Variants in MTG1 observed in about 807,000 individuals in gnomAD.
The protein encoded by MTG1 is mitochondrial ribosome associated GTPase 1, also known as mitochondrial ribosome-associated GTPase 1.
A neutral mutation model predicts 39.5 loss-of-function variants in MTG1; 30 were observed. The observed-to-expected ratio is 0.76, with a 90% CI of 0.57 to 1.03. The LOEUF (loss-of-function observed/expected upper bound fraction) is 1.03. Among genes scored for constraint, MTG1 ranks in the 50% least tolerant of loss-of-function variants. The pLI, the probability that MTG1 is intolerant of heterozygous loss-of-function variation, is 0.00. For missense variants in MTG1, 513 were observed against 447.4 expected (o/e 1.15, Z -1.32); for synonymous variants, 217 against 179.0 (o/e 1.21, Z -1.69).
intron 1 of MTG1, 25 bp from the exon 2 acceptor site, chr10:133,395,688 G>T (rs1426301777): frequency 1.2e-6 from 2 of 1,612,810 alleles, no homozygotes; most frequent in African/African-American, 1.3e-5. Flanking sequence ...GAGCCCCTTC[G>T]CTGAGGCGTC....
In MTG1 at chr10:133,402,800, G is replaced by T; in HGVS notation, c.752+27G>T. 2 of 1,533,614 alleles carry T rather than the reference G, an allele frequency of 1.3e-6. No individual in the cohort carries two copies. The highest frequency in any genetic ancestry group is 1.8e-6 in the Non-Finnish European group (2 of 1,132,856). On this transcript the variant is annotated intron_variant, in intron 9 of 10. Transcript: ENST00000317502. The surrounding 1 kb of genome is among the most constrained non-coding windows in gnomAD (Gnocchi z 4.7). ...TGAGTGCAGTGAATGCAGGGCAGCT[G>T]GGGCCCCTCCTCCTAGTCACCTCAT...
chr10:133,395,837 T>G, intron 2 of MTG1, 60 bp downstream of exon 2: 2 of 1,543,362 alleles, frequency 1.3e-6, no homozygotes, highest in Non-Finnish European at 1.8e-6. Context: ...ACATTAGAAT[T>G]ACCTGGGGAG....
intron 7 of MTG1, 197 bp from the exon 8 acceptor site, chr10:133,401,948 TTTTA>T: frequency 1.7e-6 from 1 of 595,656 alleles, no homozygotes; most frequent in Non-Finnish European, 2.9e-6. Context: ...GACCTGACGC[TTTTA>T]TTTATTCTCC....
At position 133,402,281 on chromosome 10, in the gene MTG1, C is replaced by A. The variant is rs1446894259; in HGVS notation, c.670+36C>A. On this transcript the variant is annotated intron_variant, in intron 8 of 10. Transcript: ENST00000317502. The surrounding 1 kb of genome is among the most constrained non-coding windows in gnomAD (Gnocchi z 4.7). ...GCTGGGGCTGGGGCTGGGGCTGGGACCGGGGCCCCTGCCACCCCACCTTTA... is the reference window on the plus strand; with the variant it reads ...GCTGGGGCTGGGGCTGGGGCTGGGAACGGGGCCCCTGCCACCCCACCTTTA... 1.2e-6 allele frequency: 2 copies of A among 1,611,254 alleles called. No homozygotes were observed. Among genetic ancestry groups the A allele is most frequent in the Non-Finnish European group, 1.7e-6 (2 of 1,179,078 alleles).
At chr10:133,405,071 C>T (rs1048902209) in intron 9 of MTG1, among the ~76,000 whole-genome samples, 1 of 152,114 alleles carries the variant, frequency 6.6e-6, no homozygotes, top group African/African-American at 2.4e-5. Context: ...TTTCTTGAGG[C>T]CGGGTGGCAG....
intron 9 of MTG1, among the ~76,000 whole-genome samples, chr10:133,418,276 G>A (rs544294377): frequency 1.1e-4 from 16 of 152,330 alleles, no homozygotes; most frequent in South Asian, 4.1e-4. Context: ...CAAAGTTCTG[G>A]GATTACAGGC....
At chr10:133,414,536 C>T (rs575787818) in intron 9 of MTG1, among the ~76,000 whole-genome samples, 203 of 150,936 alleles carry the variant, frequency 1.3e-3, no homozygotes, top group Middle Eastern at 6.8e-3. Flanking sequence ...GGGTCGCGGC[C>T]GGGCAGAGGC....
chr10:133,418,321 T>C (rs1202515087), intron 9 of MTG1, among the ~76,000 whole-genome samples: 3 of 152,214 alleles, frequency 2.0e-5, no homozygotes, highest in Non-Finnish European at 4.4e-5. Context: ...GCCATGTATT[T>C]TGAGTTTCAC....
Position 133,394,572 on chromosome 10 carries a change from C to A in MTG1, c.112+240C>A, listed in dbSNP as rs1285450536. Reference sequence around the variant, plus strand: ...AGTGCCCCCGCGGCGCAGCCTCGGACCCAGGGCCTGCTTGACCTCCTACCT... The same window carrying A: ...AGTGCCCCCGCGGCGCAGCCTCGGAACCAGGGCCTGCTTGACCTCCTACCT... On this transcript the variant is annotated intron_variant, in intron 1 of 10. Transcript: ENST00000317502. 3.9e-5 allele frequency: 52 copies of A among 1,327,052 alleles called. No individual in the cohort carries two copies. The South Asian group carries it at 7.6e-4, about 19-fold the overall frequency. 82.2% of individuals were successfully genotyped at this position (1,327,052 alleles called of 1,614,324 possible). A position where few individuals can be genotyped will look rare whatever the true frequency, so the allele number is the denominator to read the frequency against.
intron 9 of MTG1, among the ~76,000 whole-genome samples, chr10:133,418,361 G>C (rs953648687): frequency 6.6e-6 from 1 of 152,016 alleles, no homozygotes. Flanking sequence ...CTACATTCCT[G>C]TAAAAATTCT....
Position 133,402,247 on chromosome 10 carries a change from T to TGAGCCG in MTG1, c.670+4_670+9dup, listed in dbSNP as rs1564819811. 6.3e-7 allele frequency: 1 copy of TGAGCCG among 1,598,866 alleles called. No homozygotes were observed. Among genetic ancestry groups the TGAGCCG allele is most frequent in the South Asian group, 1.1e-5 (1 of 90,554 alleles). ...CAGGCCTGAAGCTGGCCCTGTGTGG[T>TGAGCCG]GAGCCGGGGCTGGGGCTGGGGCTGG... On this transcript the variant is annotated splice_region_variant and intron_variant, in intron 8 of 10. Transcript: ENST00000317502. The surrounding 1 kb of genome is among the most constrained non-coding windows in gnomAD (Gnocchi z 4.7).
chr10:133,398,876 G>C (rs1463126487), intron 4 of MTG1, among the ~76,000 whole-genome samples: 1 of 152,058 alleles, frequency 6.6e-6, no homozygotes, highest in African/African-American at 2.4e-5. Flanking sequence ...TTGATGGGAG[G>C]GGACGGGCAT....
intron 9 of MTG1, among the ~76,000 whole-genome samples, chr10:133,408,195 G>T (rs1466797501): frequency 6.6e-6 from 1 of 152,150 alleles, no homozygotes; most frequent in Non-Finnish European, 1.5e-5. Context: ...TGTTGGCTGT[G>T]GGCTTGTCAT....
At position 133,420,194 on chromosome 10, in the gene MTG1, A is replaced by C; in HGVS notation, c.*29A>C. 1 of 1,583,680 alleles carries C rather than the reference A, an allele frequency of 6.3e-7. No homozygotes were observed. Among genetic ancestry groups the C allele is most frequent in the South Asian group, 1.1e-5 (1 of 87,404 alleles). On this transcript the variant is annotated 3_prime_UTR_variant, in exon 11 of 11. Coordinates refer to ENST00000317502, the MANE Select transcript of MTG1 (RefSeq NM_138384.4). ...TGTCCGGGTAGGGAGGGCCGGAGGC[A>C]TGTGGCCTCCCAGACCTCCTGACCT...
intron 3 of MTG1, among the ~76,000 whole-genome samples, chr10:133,396,838 G>A (rs1329350807): frequency 6.6e-6 from 1 of 152,220 alleles, no homozygotes; most frequent in Non-Finnish European, 1.5e-5. Context: ...TGCCCAGACA[G>A]GGCCACCAGA....
rs116815690 is a variant in MTG1 at position 133,422,276 on chromosome 10, C to G, written c.*2111C>G. 2.6e-5 allele frequency: 4 copies of G among 152,478 alleles called. No homozygotes were observed. The highest frequency in any genetic ancestry group is 4.1e-4 in the South Asian group (2 of 4,832). The allele number at this position is 152,478 out of a possible 1,614,324, so 9.4% of individuals were successfully genotyped here. A position where few individuals can be genotyped will look rare whatever the true frequency, so the allele number is the denominator to read the frequency against. On this transcript the variant is annotated 3_prime_UTR_variant, in exon 11 of 11. Coordinates refer to ENST00000317502, the MANE Select transcript of MTG1 (RefSeq NM_138384.4). ...CCACGCGGATACCCAGGCCCTGTTC[C>G]GAGGCCTGGAACAGCTGCTTCCGAA...
chr10:133,394,555 C>CGCG lies in MTG1; in HGVS notation c.112+227_112+229dup, dbSNP rs1010441727. 4.6e-5 allele frequency: 61 copies of CGCG among 1,335,330 alleles called. No individual in the cohort carries two copies. In the Middle Eastern group the frequency reaches 1.1e-3, roughly 24 times the overall value. 82.7% of individuals were successfully genotyped at this position (1,335,330 alleles called of 1,614,324 possible). Reference sequence around the variant, plus strand: ...AGAGGCCCGTTCCCGCGAGTGCCCCCGCGGCGCAGCCTCGGACCCAGGGCC... The same window carrying CGCG: ...AGAGGCCCGTTCCCGCGAGTGCCCCCGCGGCGGCGCAGCCTCGGACCCAGGGCC... On this transcript the variant is annotated intron_variant, in intron 1 of 10. Transcript: ENST00000317502.
At chr10:133,399,379 C>T (rs375702521) in intron 5 of MTG1, 150 bp from the exon 6 acceptor site, 264 of 1,187,930 alleles carry the variant, frequency 2.2e-4, no homozygotes, top group Middle Eastern at 1.5e-3. Flanking sequence ...GGGCCGAGGC[C>T]GTCCCCGCTG....
At chr10:133,412,484 A>G (rs1176137728) in intron 9 of MTG1, among the ~76,000 whole-genome samples, 1 of 152,236 alleles carries the variant, frequency 6.6e-6, no homozygotes, top group Non-Finnish European at 1.5e-5. Flanking sequence ...ATTTGCAAAT[A>G]AAGATCATCT....
Sources: gnomAD v4.1 joint callset for allele counts (sites outside exome capture counted in the v4.1 genomes callset) on GRCh38, gnomAD v4.1.1 for gene constraint, Gnocchi (gnomAD v3.1) non-coding constraint, MANE v1.5 for transcripts, NCBI Gene and HGNC (gene_info 2026-07-23, HGNC 2026-07-21) for gene names.